EYS: variants seen among roughly 807,000 people sequenced by gnomAD.
The protein encoded by EYS is EGF-like photoreceptor maintenance factor.
EYS carries 250 observed loss-of-function variants against 282.1 expected under a neutral mutation model. That is an observed-to-expected ratio of 0.89 (90% CI 0.80 to 0.98). The LOEUF is 0.98. Ranked by LOEUF, EYS falls within the 50% of genes least tolerant of loss-of-function variation. EYS has a pLI of 0.00. For missense variants in EYS, 4,016 were observed against 3,709.0 expected, an observed-to-expected ratio of 1.08 and a Z score of -2.15; for synonymous variants, 1,355 against 1,282.9, an observed-to-expected ratio of 1.06 and a Z score of -1.20.
chr6:63,756,814 TA>T (rs1267286461), intron 41 of EYS, among the ~76,000 whole-genome samples: 1 of 152,224 alleles, frequency 6.6e-6, no homozygotes, highest in Non-Finnish European at 1.5e-5. Flanking sequence ...TCTCTGAACA[TA>T]AATTATGAAG....
At chr6:64,059,981 T>C (rs1277212548) in intron 33 of EYS, among the ~76,000 whole-genome samples, 1 of 152,122 alleles carries the variant, frequency 6.6e-6, no homozygotes, top group Non-Finnish European at 1.5e-5. Context: ...CAAATTAATA[T>C]TGAAGTGATG....
chr6:65,470,418 T>A (rs1429151996), intron 5 of EYS, among the ~76,000 whole-genome samples: 1 of 152,124 alleles, frequency 6.6e-6, no homozygotes, highest in Non-Finnish European at 1.5e-5. Context: ...TTATTTTTAA[T>A]TCAATTTTAA....
intron 33 of EYS, among the ~76,000 whole-genome samples, chr6:64,002,171 T>C (rs1768126934): frequency 6.6e-6 from 1 of 151,972 alleles, no homozygotes; most frequent in African/African-American, 2.4e-5. Context: ...CAAGGGGAGT[T>C]TGGCTGGGGG....
chr6:63,961,580 C>A (rs1380320220), intron 35 of EYS, among the ~76,000 whole-genome samples: 1 of 152,062 alleles, frequency 6.6e-6, no homozygotes, highest in Non-Finnish European at 1.5e-5. Context: ...AGCTTTATTG[C>A]TCTTTATTTA....
At chr6:64,233,016 T>C (rs1384424313) in intron 30 of EYS, among the ~76,000 whole-genome samples, 1 of 152,212 alleles carries the variant, frequency 6.6e-6, no homozygotes, top group Non-Finnish European at 1.5e-5. Flanking sequence ...TCTGAATAAT[T>C]TCACCATTTC....
intron 29 of EYS, among the ~76,000 whole-genome samples, chr6:64,380,637 G>A (rs951874275): frequency 3.3e-5 from 5 of 152,158 alleles, no homozygotes; most frequent in African/African-American, 1.2e-4. Context: ...TTAACTTAAT[G>A]TAATTATTGG....
chr6:64,488,389 C>T (rs982931817), intron 26 of EYS, among the ~76,000 whole-genome samples: 11 of 151,038 alleles, frequency 7.3e-5, no homozygotes, highest in African/African-American at 2.2e-4. Context: ...GGAAAGTGCT[C>T]ATAAAATCAA....
At chr6:64,157,888 T>C (rs941361269) in intron 31 of EYS, among the ~76,000 whole-genome samples, 1 of 152,186 alleles carries the variant, frequency 6.6e-6, no homozygotes, top group Admixed American at 6.5e-5. Flanking sequence ...GAGTCCCTAC[T>C]GGGGCACCAC....
At chr6:64,178,609 T>A (rs1204547920) in intron 31 of EYS, among the ~76,000 whole-genome samples, 1 of 152,070 alleles carries the variant, frequency 6.6e-6, no homozygotes, top group East Asian at 1.9e-4. Context: ...ATCAGAGAGA[T>A]GTGACCTTTG....
At chr6:65,213,373 C>G (rs117114526) in intron 12 of EYS, among the ~76,000 whole-genome samples, 1 of 152,070 alleles carries the variant, frequency 6.6e-6, no homozygotes, top group East Asian at 1.9e-4. Flanking sequence ...TACAGACATG[C>G]CTTGTTTTAT....
chr6:64,584,975 G>C (rs1766187100), intron 26 of EYS, among the ~76,000 whole-genome samples: 1 of 151,812 alleles, frequency 6.6e-6, no homozygotes, highest in African/African-American at 2.4e-5. Context: ...ATCGTTACTG[G>C]ATATATACTC....
intron 14 of EYS, among the ~76,000 whole-genome samples, chr6:64,949,907 C>T (rs1388548715): frequency 6.6e-6 from 1 of 151,814 alleles, no homozygotes; most frequent in Admixed American, 6.6e-5. Context: ...ATATTCTTAG[C>T]CTAGCGACAA....
intron 22 of EYS, among the ~76,000 whole-genome samples, chr6:64,735,369 C>T (rs1732234083): frequency 6.6e-6 from 1 of 152,184 alleles, no homozygotes; most frequent in Admixed American, 6.5e-5. Context: ...AGGCGTGAAC[C>T]ACCGTGCCCG....
chr6:64,208,348 A>AAT (rs1446720647), intron 31 of EYS, among the ~76,000 whole-genome samples: 3 of 152,196 alleles, frequency 2.0e-5, no homozygotes, highest in Non-Finnish European at 4.4e-5. Context: ...TAGAATATTA[A>AAT]ATATGTATTT....
chr6:63,858,223 T>C (rs1403988110), intron 36 of EYS, among the ~76,000 whole-genome samples: 1 of 152,166 alleles, frequency 6.6e-6, no homozygotes. Context: ...TGATCTGATA[T>C]GTTGTATTGA....
At chr6:64,235,905 C>T (rs1309974040) in intron 30 of EYS, among the ~76,000 whole-genome samples, 2 of 152,200 alleles carry the variant, frequency 1.3e-5, no homozygotes, top group Admixed American at 6.5e-5. Flanking sequence ...CAAGGAGGAA[C>T]TGGTACCATT....
At chr6:65,698,584 C>T (rs1348494137) in intron 1 of EYS, among the ~76,000 whole-genome samples, 3 of 152,142 alleles carry the variant, frequency 2.0e-5, no homozygotes, top group African/African-American at 4.8e-5. Context: ...TTCTATCTAA[C>T]TCAGATGTTA....
chr6:65,484,315 T>C (rs931261247), intron 5 of EYS, among the ~76,000 whole-genome samples: 6 of 152,166 alleles, frequency 3.9e-5, no homozygotes, highest in African/African-American at 1.4e-4. Context: ...GTACTATTAT[T>C]TATGGTTGCA....
At chr6:64,485,152 A>C (rs1368403375) in intron 26 of EYS, among the ~76,000 whole-genome samples, 2 of 151,726 alleles carry the variant, frequency 1.3e-5, no homozygotes, top group East Asian at 3.9e-4. Context: ...ACTGTGTTAG[A>C]AATAAGGGTC....
Sources: allele counts gnomAD v4.1 joint callset (sites outside exome capture counted in the v4.1 genomes callset), GRCh38; gene constraint gnomAD v4.1.1; transcripts MANE v1.5; gene names NCBI Gene and HGNC (gene_info 2026-07-23, HGNC 2026-07-21).